Variants in GALNT17 observed in about 807,000 individuals in gnomAD.
GALNT17 encodes polypeptide N-acetylgalactosaminyltransferase 17.
A neutral mutation model predicts 63.7 loss-of-function variants in GALNT17; 29 were observed. That is an observed-to-expected ratio of 0.46 (90% CI 0.34 to 0.62). The LOEUF (loss-of-function observed/expected upper bound fraction) is 0.62. Among genes scored for constraint, GALNT17 ranks in the 20% least tolerant of loss-of-function variants. The pLI is 0.01. For missense variants in GALNT17, 603 were observed against 799.6 expected, an observed-to-expected ratio of 0.75 and a Z score of 2.97; for synonymous variants, 305 against 318.3, an observed-to-expected ratio of 0.96 and a Z score of 0.45.
chr7:71,538,473 G>A (rs564814798), intron 5 of GALNT17, among the ~76,000 whole-genome samples: 1 of 152,316 alleles, frequency 6.6e-6, no homozygotes, highest in South Asian at 2.1e-4. Flanking sequence ...GGACGCGACA[G>A]ATTACAGAGC....
intron 1 of GALNT17, among the ~76,000 whole-genome samples, chr7:71,163,932 T>C (rs1788391546): frequency 6.6e-6 from 1 of 152,218 alleles, no homozygotes; most frequent in African/African-American, 2.4e-5. Context: ...TAGTAGCTGT[T>C]TTACAAGAAT....
At chr7:71,370,199 G>C (rs2707447) in intron 2 of GALNT17, among the ~76,000 whole-genome samples, 2 of 152,296 alleles carry the variant, frequency 1.3e-5, no homozygotes, top group Non-Finnish European at 2.9e-5. Flanking sequence ...AGCTAACTCA[G>C]TTTCCAAACA....
At chr7:71,292,287 G>T (rs1790992299) in intron 1 of GALNT17, among the ~76,000 whole-genome samples, 2 of 152,116 alleles carry the variant, frequency 1.3e-5, no homozygotes, top group Non-Finnish European at 2.9e-5. Flanking sequence ...GAATACATAG[G>T]TTTTGCTGGA....
intron 1 of GALNT17, among the ~76,000 whole-genome samples, chr7:71,310,914 C>T (rs926892132): frequency 2.0e-5 from 3 of 152,166 alleles, no homozygotes; most frequent in African/African-American, 7.2e-5. Context: ...GGAGTGACTA[C>T]CACGGTAGTT....
rs1297454191 is a variant in GALNT17 at position 71,248,797 on chromosome 7, C to T, written c.239-86753C>T. Among the ~76,000 whole-genome samples, 9 of 152,170 alleles carry T rather than the reference C, an allele frequency of 5.9e-5. No individual in the cohort carries two copies. In the East Asian group the frequency reaches 1.4e-3, roughly 23 times the overall value. ...GGTCTTCCCCACCCACCTATAAGGT[C>T]GGTATCTACAGACAGGCAAGGGAAC... On this transcript the variant is annotated intron_variant, in intron 1 of 10. Transcript: ENST00000333538.
chr7:71,265,118 A>ATATATATATATATATATATTTTTTTTT (rs1390488895), intron 1 of GALNT17, among the ~76,000 whole-genome samples: 2 of 37,458 alleles, frequency 5.3e-5, no homozygotes, highest in Non-Finnish European at 1.4e-4. Context: ...ATATATATAT[A>ATATATATATATATATATATTTTTTTTT]TTTTTTTTTT....
At chr7:71,369,445 C>G (rs528548461) in intron 2 of GALNT17, among the ~76,000 whole-genome samples, 1 of 152,270 alleles carries the variant, frequency 6.6e-6, no homozygotes, top group Admixed American at 6.5e-5. Context: ...ATGGCAGTCT[C>G]CAAGTTCGTA....
intron 1 of GALNT17, among the ~76,000 whole-genome samples, chr7:71,286,477 G>T (rs1395424958): frequency 6.6e-6 from 1 of 152,134 alleles, no homozygotes; most frequent in Non-Finnish European, 1.5e-5. Flanking sequence ...CTCCACTCCA[G>T]CCCTGTGAGC....
chr7:71,349,302 A>G (rs927919002), intron 2 of GALNT17, among the ~76,000 whole-genome samples: 7 of 152,146 alleles, frequency 4.6e-5, no homozygotes, highest in African/African-American at 1.4e-4. Context: ...AATGGGTGAA[A>G]TGGACTAAAT....
intron 7 of GALNT17, among the ~76,000 whole-genome samples, chr7:71,669,235 G>T (rs1791030601): frequency 6.6e-6 from 1 of 152,080 alleles, no homozygotes; most frequent in Non-Finnish European, 1.5e-5. Flanking sequence ...CACCCTTCTG[G>T]CCGGGTGCAG....
chr7:71,278,789 A>G (rs551181323), intron 1 of GALNT17, among the ~76,000 whole-genome samples: 1 of 152,232 alleles, frequency 6.6e-6, no homozygotes, highest in East Asian at 1.9e-4. Context: ...CTCATGATTC[A>G]ATTACCTCAC....
At chr7:71,423,931 T>TA (rs1270091232) in intron 5 of GALNT17, among the ~76,000 whole-genome samples, 4 of 151,946 alleles carry the variant, frequency 2.6e-5, no homozygotes, top group African/African-American at 4.8e-5. Flanking sequence ...CAAATAATAA[T>TA]AAAAAAAGAG....
chr7:71,240,790 G>A (rs1277548586), intron 1 of GALNT17, among the ~76,000 whole-genome samples: 3 of 151,460 alleles, frequency 2.0e-5, no homozygotes, highest in Non-Finnish European at 2.9e-5. Context: ...TCAGCCTCCC[G>A]AGTTGCTGGG....
At chr7:71,596,166 G>T (rs1260532191) in intron 6 of GALNT17, among the ~76,000 whole-genome samples, 1 of 152,116 alleles carries the variant, frequency 6.6e-6, no homozygotes, top group African/African-American at 2.4e-5. Context: ...AGCCTCCCAA[G>T]TAGCTGGGAT....
chr7:71,467,348 T>A (rs1398341985), intron 5 of GALNT17, among the ~76,000 whole-genome samples: 1 of 152,190 alleles, frequency 6.6e-6, no homozygotes, highest in African/African-American at 2.4e-5. Flanking sequence ...ATCAATAGAT[T>A]CAGCTGTGTT....
At chr7:71,255,235 T>C (rs1463627775) in intron 1 of GALNT17, among the ~76,000 whole-genome samples, 1 of 152,208 alleles carries the variant, frequency 6.6e-6, no homozygotes, top group Non-Finnish European at 1.5e-5. Flanking sequence ...GGGAGGTAAC[T>C]GAATCATGCG....
chr7:71,410,833 G>C (rs1196562132), intron 3 of GALNT17, among the ~76,000 whole-genome samples: 1 of 152,142 alleles, frequency 6.6e-6, no homozygotes, highest in African/African-American at 2.4e-5. Flanking sequence ...CTGATCACAG[G>C]CAGTGTTCGC....
intron 1 of GALNT17, among the ~76,000 whole-genome samples, chr7:71,311,480 A>C (rs1791413169): frequency 6.6e-6 from 1 of 152,224 alleles, no homozygotes; most frequent in African/African-American, 2.4e-5. Context: ...AAAAAATAAA[A>C]AATAAATTAA....
At chr7:71,632,398 T>C (rs1307873339) in intron 6 of GALNT17, among the ~76,000 whole-genome samples, 1 of 152,168 alleles carries the variant, frequency 6.6e-6, no homozygotes, top group African/African-American at 2.4e-5. Flanking sequence ...GGTTCGAATA[T>C]TACACAAGAT....
Sources: allele counts gnomAD v4.1 joint callset (sites outside exome capture counted in the v4.1 genomes callset), GRCh38; gene constraint gnomAD v4.1.1; transcripts MANE v1.5; gene names NCBI Gene and HGNC (gene_info 2026-07-23, HGNC 2026-07-21).